LRRC4C: variants seen among roughly 807,000 people sequenced by gnomAD.
LRRC4C encodes the protein leucine-rich repeat-containing protein 4C.
In LRRC4C, 5 loss-of-function variants were observed where a neutral mutation model predicts 33.6. That is an observed-to-expected ratio of 0.15 (90% confidence interval 0.08 to 0.31). The LOEUF (loss-of-function observed/expected upper bound fraction) is 0.31, where lower values mean the gene tolerates loss of function less well. Ranked by LOEUF, LRRC4C falls within the 10% of genes least tolerant of loss-of-function variation. The pLI is 1.00. For missense variants in LRRC4C, 560 were observed against 796.7 expected, an observed-to-expected ratio of 0.70 and a Z score of 3.58; for synonymous variants, 329 against 302.0, an observed-to-expected ratio of 1.09 and a Z score of -0.93.
At chr11:40,871,404 C>T (rs574954489) in intron 2 of LRRC4C, among the ~76,000 whole-genome samples, 13 of 152,126 alleles carry the variant, frequency 8.5e-5, no homozygotes, top group East Asian at 5.8e-4. Flanking sequence ...ATGTCTCCCC[C>T]GGACACCCAG....
chr11:40,405,623 A>G (rs1412023483), intron 3 of LRRC4C, among the ~76,000 whole-genome samples: 1 of 150,686 alleles, frequency 6.6e-6, no homozygotes, highest in African/African-American at 2.4e-5. Context: ...AAAAAAAAAA[A>G]AAAGGAATGT....
intron 3 of LRRC4C, among the ~76,000 whole-genome samples, chr11:40,557,781 A>T (rs758678833): frequency 5.3e-5 from 8 of 151,352 alleles, no homozygotes; most frequent in Admixed American, 2.6e-4. Flanking sequence ...ATTATTAAAG[A>T]TAAATAAAGC....
chr11:40,718,973 C>T (rs1250268808), intron 2 of LRRC4C, among the ~76,000 whole-genome samples: 1 of 152,146 alleles, frequency 6.6e-6, no homozygotes, highest in Non-Finnish European at 1.5e-5. Context: ...AATGCATCCT[C>T]CTTCTCATAT....
At chr11:41,408,183 C>T (rs1264549825) in intron 1 of LRRC4C, among the ~76,000 whole-genome samples, 2 of 152,048 alleles carry the variant, frequency 1.3e-5, no homozygotes, top group Admixed American at 6.5e-5. Context: ...AATTCCAAGC[C>T]GGTTGTATTT....
chr11:41,091,093 G>A (rs1445769827), intron 1 of LRRC4C, among the ~76,000 whole-genome samples: 1 of 152,002 alleles, frequency 6.6e-6, no homozygotes, highest in African/African-American at 2.4e-5. Context: ...GTCAACTTTA[G>A]ACCAGAGATG....
chr11:41,451,601 G>T (rs1389591508), intron 1 of LRRC4C, among the ~76,000 whole-genome samples: 1 of 152,042 alleles, frequency 6.6e-6, no homozygotes, highest in Non-Finnish European at 1.5e-5. Flanking sequence ...GATAAAGAAA[G>T]GGAAAACAGG....
rs150745649 is a variant in LRRC4C at position 40,393,071 on chromosome 11, A to G, written c.-269-73350T>C. On this transcript the variant is annotated intron_variant, in intron 3 of 6. Transcript: ENST00000528697. ...GCAAAAAGCCCTCAGAGAGAATGCA[A>G]TCTTACTAGGGAGCTAAGACAATTC... is the stretch of plus-strand genomic sequence containing the variant. 9.6e-3 allele frequency among the ~76,000 whole-genome samples: 1,460 copies of G among 152,270 alleles called. 26 individuals are homozygous for G. The highest frequency in any genetic ancestry group is 0.046 in the South Asian group (224 of 4,822).
At position 40,831,812 on chromosome 11, in the gene LRRC4C, G is replaced by A. The variant is rs189224889; in HGVS notation, c.-407+101823C>T. 1.5e-3 allele frequency among the ~76,000 whole-genome samples: 228 copies of A among 152,102 alleles called. 2 individuals carry two copies. Among genetic ancestry groups the A allele is most frequent in the African/African-American group, 5.4e-3 (224 of 41,500 alleles). On this transcript the variant is annotated intron_variant, in intron 2 of 6. Transcript: ENST00000528697. Reference sequence around the variant, plus strand: ...TCATGAAATATATTCACTATCACAAGAACAGCATGGGAGAAACCTGCCCCC... The same window carrying A: ...TCATGAAATATATTCACTATCACAAAAACAGCATGGGAGAAACCTGCCCCC...
intron 2 of LRRC4C, among the ~76,000 whole-genome samples, chr11:40,737,515 GCAAAGT>G (rs1947937439): frequency 6.6e-6 from 1 of 151,978 alleles, no homozygotes; most frequent in Non-Finnish European, 1.5e-5. Context: ...AGCAACTTCA[GCAAAGT>G]CTCAGGATAC....
At chr11:40,630,628 G>A (rs1963407452) in intron 3 of LRRC4C, among the ~76,000 whole-genome samples, 1 of 152,122 alleles carries the variant, frequency 6.6e-6, no homozygotes, top group Non-Finnish European at 1.5e-5. Flanking sequence ...CTCAAAAGTG[G>A]TTAAGCTGGG....
chr11:40,399,282 C>T (rs996013937), intron 3 of LRRC4C, among the ~76,000 whole-genome samples: 1 of 152,032 alleles, frequency 6.6e-6, no homozygotes, highest in Non-Finnish European at 1.5e-5. Flanking sequence ...GGGAACCAAC[C>T]CAAATGTCCA....
chr11:41,304,282 C>A, intron 1 of LRRC4C, among the ~76,000 whole-genome samples: 1 of 122,480 alleles, frequency 8.2e-6, no homozygotes, highest in East Asian at 2.8e-4. Flanking sequence ...CGCCTCTGCC[C>A]GGCCGCCCCT....
At chr11:40,209,210 CAAG>C (rs1014927234) in intron 5 of LRRC4C, among the ~76,000 whole-genome samples, 1 of 152,094 alleles carries the variant, frequency 6.6e-6, no homozygotes, top group Admixed American at 6.6e-5. Flanking sequence ...ATGCTTCCCC[CAAG>C]GTAGCTGTTT....
chr11:41,172,383 T>C (rs1945014459), intron 1 of LRRC4C, among the ~76,000 whole-genome samples: 2 of 152,148 alleles, frequency 1.3e-5, no homozygotes, highest in Non-Finnish European at 1.5e-5. Context: ...TTTGAAGAAG[T>C]TGCTAATTCT....
chr11:41,268,861 T>C (rs571425231), intron 1 of LRRC4C, among the ~76,000 whole-genome samples: 1 of 149,974 alleles, frequency 6.7e-6, no homozygotes, highest in East Asian at 2.0e-4. Context: ...GAATCATAGA[T>C]AGCTAAAGAA....
At chr11:40,572,358 G>A (rs1379498320) in intron 3 of LRRC4C, among the ~76,000 whole-genome samples, 1 of 152,142 alleles carries the variant, frequency 6.6e-6, no homozygotes, top group Non-Finnish European at 1.5e-5. Context: ...AGCAGATGTA[G>A]CAGTATATCA....
chr11:40,537,092 G>T (rs573493117), intron 3 of LRRC4C, among the ~76,000 whole-genome samples: 14 of 152,250 alleles, frequency 9.2e-5, no homozygotes, highest in Non-Finnish European at 1.6e-4. Context: ...GCCATGGGGG[G>T]AATTAATGCA....
intron 3 of LRRC4C, among the ~76,000 whole-genome samples, chr11:40,502,526 A>C (rs972532788): frequency 3.9e-5 from 6 of 152,146 alleles, no homozygotes; most frequent in African/African-American, 1.4e-4. Flanking sequence ...GGCAGAAGTG[A>C]AAGTGGAAAC....
At chr11:40,618,227 T>C (rs1413390686) in intron 3 of LRRC4C, among the ~76,000 whole-genome samples, 2 of 151,016 alleles carry the variant, frequency 1.3e-5, no homozygotes, top group South Asian at 4.2e-4. Context: ...CTATGACTGA[T>C]GTCTTTCTAA....
Sources: allele counts gnomAD v4.1 joint callset (sites outside exome capture counted in the v4.1 genomes callset), GRCh38; gene constraint gnomAD v4.1.1; transcripts MANE v1.5; gene names NCBI Gene and HGNC (gene_info 2026-07-23, HGNC 2026-07-21).